Variants in RBBP5 observed in about 807,000 individuals in gnomAD.
RBBP5 encodes retinoblastoma-binding protein 5.
Under a neutral mutation model 72.2 loss-of-function variants are expected in RBBP5, and 5 were observed. The observed-to-expected ratio is 0.07, with a 90% CI of 0.04 to 0.15. The LOEUF is 0.15. RBBP5 is among the 10% of genes least tolerant of loss of function. The pLI, the probability that RBBP5 is intolerant of heterozygous loss-of-function variation, is 1.00. For missense variants in RBBP5, 322 were observed against 652.2 expected, an observed-to-expected ratio of 0.49 and a Z score of 5.51; for synonymous variants, 209 against 237.2, an observed-to-expected ratio of 0.88 and a Z score of 1.09.
Position 205,121,868 on chromosome 1 carries a change from G to T in RBBP5, c.6C>A (p.Asn2Lys), listed in dbSNP as rs1296345084. Residue 2 changes from asparagine to lysine, a missense_variant, in exon 1 of 14, where the codon AAC (asparagine) becomes AAA (lysine). Asn to Lys is a moderately conservative substitution (Grantham distance 94). Transcript: ENST00000264515. M[N>K]LELLESFGQN... ...AGCCCTTCTCACCCAGCAACTCGAG[G>T]TTCATCCCTGCGGACTGTGGCCGCC... is the stretch of plus-strand genomic sequence containing the variant. 1 of 1,611,698 alleles carries T rather than the reference G, an allele frequency of 6.2e-7. No individual in the cohort carries two copies. Among genetic ancestry groups the T allele is most frequent in the Non-Finnish European group, 8.5e-7 (1 of 1,179,996 alleles).
chr1:205,103,796 A>G, intron 5 of RBBP5, 61 bp downstream of exon 5: 1 of 1,555,884 alleles, frequency 6.4e-7, no homozygotes, highest in Non-Finnish European at 8.8e-7. Context: ...AAGAAACAAA[A>G]CAAGTAAACA....
intron 3 of RBBP5, among the ~76,000 whole-genome samples, chr1:205,113,825 C>A (rs542979710): frequency 7.9e-5 from 12 of 152,092 alleles, no homozygotes. Context: ...GCTGGGATTA[C>A]AGGCACCCGC....
intron 3 of RBBP5, among the ~76,000 whole-genome samples, chr1:205,110,185 A>G (rs1656258477): frequency 6.6e-6 from 1 of 151,784 alleles, no homozygotes; most frequent in Admixed American, 6.6e-5. Context: ...GCACCCAGCT[A>G]ATTTTTGTAT....
At chr1:205,112,755 T>C (rs1033501025) in intron 3 of RBBP5, among the ~76,000 whole-genome samples, 2 of 152,044 alleles carry the variant, frequency 1.3e-5, no homozygotes, top group African/African-American at 4.8e-5. Context: ...AGCAGAAAAA[T>C]GTCGAGACAG....
intron 3 of RBBP5, among the ~76,000 whole-genome samples, chr1:205,108,296 C>T (rs1451673386): frequency 1.3e-5 from 2 of 151,884 alleles, no homozygotes; most frequent in Admixed American, 6.5e-5. Context: ...TTGAAACACA[C>T]ATTTTAACAC....
chr1:205,117,167 C>A (rs941296811), intron 1 of RBBP5, among the ~76,000 whole-genome samples: 1 of 151,904 alleles, frequency 6.6e-6, no homozygotes. Flanking sequence ...TTCTCCTGCC[C>A]CAGCCTCCTG....
intron 13 of RBBP5, among the ~76,000 whole-genome samples, chr1:205,093,525 T>C (rs376875943): frequency 0.013 from 190 of 14,076 alleles, 10 homozygotes; most frequent in African/African-American, 0.042. Context: ...TATATATATA[T>C]ATATATATAC....
chr1:205,097,413 A>G lies in RBBP5; in HGVS notation c.1097-18T>C. 1 of 1,551,688 alleles carries G rather than the reference A, an allele frequency of 6.4e-7. No homozygotes were observed. Among genetic ancestry groups the G allele is most frequent in the Non-Finnish European group, 8.7e-7 (1 of 1,146,770 alleles). On this transcript the variant is annotated intron_variant, in intron 10 of 13. Coordinates refer to ENST00000264515, the MANE Select transcript of RBBP5 (RefSeq NM_005057.4). ...ATCAGCCCCTGCAGGACAGAAACAC[A>G]GGAGATGTTTGAGAAGAAGTGAAAA...
intron 3 of RBBP5, among the ~76,000 whole-genome samples, chr1:205,108,831 C>T (rs1469365776): frequency 6.6e-6 from 1 of 152,144 alleles, no homozygotes; most frequent in Non-Finnish European, 1.5e-5. Context: ...TCATCTATAA[C>T]ACAGGAATAA....
In RBBP5 at chr1:205,096,600, A is replaced by C. The variant is rs948254823; in HGVS notation, c.1396+82T>G. 12 of 1,325,294 alleles carry C rather than the reference A, an allele frequency of 9.1e-6. No homozygotes were observed. In the African/African-American group the frequency reaches 1.6e-4, roughly 18 times the overall value. The allele number at this position is 1,325,294 out of a possible 1,614,324, so 82.1% of individuals were successfully genotyped here. On this transcript the variant is annotated intron_variant, in intron 12 of 13. Coordinates refer to ENST00000264515, the MANE Select transcript of RBBP5 (RefSeq NM_005057.4). Reference sequence around the variant, plus strand: ...AAATTCCTCTAAGGTGAAATCGCTCAAACAGGAAATTACCAGGTTGCGCTG... The same window carrying C: ...AAATTCCTCTAAGGTGAAATCGCTCCAACAGGAAATTACCAGGTTGCGCTG...
intron 12 of RBBP5, 95 bp downstream of exon 12, chr1:205,096,587 G>A: frequency 8.7e-7 from 1 of 1,155,668 alleles, no homozygotes; most frequent in Non-Finnish European, 1.2e-6. Flanking sequence ...ATTCCTCTAA[G>A]GTGAAATCGC....
At chr1:205,108,472 AATGT>A (rs1490655651) in intron 3 of RBBP5, among the ~76,000 whole-genome samples, 3 of 152,206 alleles carry the variant, frequency 2.0e-5, no homozygotes, top group Non-Finnish European at 4.4e-5. Flanking sequence ...GTAAGTTATA[AATGT>A]ATGATGTAAA....
chr1:205,095,164 T>A, intron 12 of RBBP5, 100 bp from the exon 13 acceptor site: 1 of 1,099,420 alleles, frequency 9.1e-7, no homozygotes, highest in South Asian at 1.5e-5. Flanking sequence ...GTGTCCCAGA[T>A]CAATTAATAA....
Position 205,099,211 on chromosome 1 carries a change from C to T in RBBP5, c.979-105G>A. On this transcript the variant is annotated intron_variant, in intron 9 of 13. Coordinates refer to ENST00000264515, the MANE Select transcript of RBBP5 (RefSeq NM_005057.4). This position sits in a 1 kb window ranked among gnomAD's most constrained non-coding sequence, Gnocchi z 4.7. ...GTGAGCATGAAAGGAATTCACAATT[C>T]TTAGATTAAATTTGGCAGACAAGAA... 1 of 709,580 alleles carries T rather than the reference C, an allele frequency of 1.4e-6. No individual in the cohort carries two copies. The highest frequency in any genetic ancestry group is 3.4e-5 in the Admixed American group (1 of 29,826). 44.0% of individuals were successfully genotyped at this position (709,580 alleles called of 1,614,324 possible).
At chr1:205,120,453 G>A (rs1201425780) in intron 1 of RBBP5, among the ~76,000 whole-genome samples, 1 of 152,164 alleles carries the variant, frequency 6.6e-6, no homozygotes, top group African/African-American at 2.4e-5. Context: ...TCTCACTGAT[G>A]CCTACTGAAC....
At chr1:205,117,177 G>A (rs1656559950) in intron 1 of RBBP5, among the ~76,000 whole-genome samples, 1 of 151,946 alleles carries the variant, frequency 6.6e-6, no homozygotes, top group Non-Finnish European at 1.5e-5. Context: ...CCAGCCTCCT[G>A]AGCAGCAGCT....
At chr1:205,110,107 A>G (rs1656253363) in intron 3 of RBBP5, among the ~76,000 whole-genome samples, 1 of 151,016 alleles carries the variant, frequency 6.6e-6, no homozygotes, top group African/African-American at 2.4e-5. Context: ...CGCAACCTCC[A>G]TATGCCGGTT....
At chr1:205,102,450 T>C (rs1185947149) in intron 5 of RBBP5, among the ~76,000 whole-genome samples, 2 of 152,152 alleles carry the variant, frequency 1.3e-5, no homozygotes, top group African/African-American at 4.8e-5. Context: ...ATGAGGTACC[T>C]GGAGTAGTCA....
At chr1:205,108,115 C>T (rs1234274963) in intron 3 of RBBP5, among the ~76,000 whole-genome samples, 3 of 150,326 alleles carry the variant, frequency 2.0e-5, no homozygotes, top group African/African-American at 7.4e-5. Flanking sequence ...TGGTAGTGCA[C>T]GCCTGTAGTC....
Sources: allele counts gnomAD v4.1 joint callset (sites outside exome capture counted in the v4.1 genomes callset), GRCh38; gene constraint gnomAD v4.1.1; non-coding constraint Gnocchi (gnomAD v3.1); transcripts MANE v1.5; gene names NCBI Gene and HGNC (gene_info 2026-07-23, HGNC 2026-07-21).